Variants in ITGB4 observed in about 807,000 individuals in gnomAD.
ITGB4 encodes the protein integrin subunit beta 4.
Under a neutral mutation model 207.6 loss-of-function variants are expected in ITGB4, and 159 were observed. The observed-to-expected ratio is 0.77, with a 90% CI of 0.67 to 0.87. The LOEUF (loss-of-function observed/expected upper bound fraction) is 0.87, where lower values mean the gene tolerates loss of function less well. Among genes scored for constraint, ITGB4 ranks in the 40% least tolerant of loss-of-function variants. The pLI is 0.00. For synonymous variants in ITGB4, 1,020 were observed against 1,062.7 expected (o/e 0.96, Z 0.78); for missense variants, 2,278 against 2,546.8 (o/e 0.89, Z 2.27).
At chr17:75,749,399 G>A (rs747637883) in intron 27 of ITGB4, among the ~76,000 whole-genome samples, 1 of 151,786 alleles carries the variant, frequency 6.6e-6, no homozygotes, top group Non-Finnish European at 1.5e-5. Flanking sequence ...ATAGTGGTGT[G>A]CACCTGCAGT....
chr17:75,750,859 A>C lies in ITGB4; in HGVS notation c.3654A>C (p.Glu1218Asp). Residue 1218 changes from glutamate to aspartate, a missense_variant and splice_region_variant, in exon 29 of 40, where the codon GAA becomes GAC. Glu to Asp is a conservative substitution (Grantham distance 45, BLOSUM62 2). Transcript: ENST00000200181. The surrounding 1 kb of genome is among the most constrained non-coding windows in gnomAD (Gnocchi z 5.5). ...SSLVSCRTHQ[E>D]VPSEPGRLAF... is the part of the protein sequence containing the mutation. ...TGGTGTCCTGCCGCACCCACCAGGA[A>C]GGTGAGGCCTCGCCATGTCTGTCCA... 6.2e-7 allele frequency: 1 copy of C among 1,613,372 alleles called. No individual in the cohort carries two copies. The highest frequency in any genetic ancestry group is 8.5e-7 in the Non-Finnish European group (1 of 1,179,998).
In ITGB4 at chr17:75,739,620, C is replaced by T. The variant is rs373857088; in HGVS notation, c.2221-52C>T. On this transcript the variant is annotated intron_variant, in intron 18 of 39. Coordinates refer to ENST00000200181, the MANE Select transcript of ITGB4 (RefSeq NM_000213.5). This position sits in a 1 kb window ranked among gnomAD's most constrained non-coding sequence, Gnocchi z 5.4. ...GGGCGGGGTGGCTGGAAGGGCTTACCTGGGCCAGGGCAGCTGTCTCAGGCC... is the reference window on the plus strand; with the variant it reads ...GGGCGGGGTGGCTGGAAGGGCTTACTTGGGCCAGGGCAGCTGTCTCAGGCC... The T allele has an allele frequency of 9.9e-6, 16 of 1,611,316 alleles. No individual in the cohort carries two copies. The highest frequency in any genetic ancestry group is 6.7e-5 in the East Asian group (3 of 44,888).
chr17:75,730,991 TGAGCCCTTCTGGGGCA>T (rs2060844309), intron 9 of ITGB4, 27 bp downstream of exon 9: 1 of 1,595,622 alleles, frequency 6.3e-7, no homozygotes, highest in Non-Finnish European at 8.6e-7. Flanking sequence ...CTCCAGAGTC[TGAGCCCTTCTGGGGCA>T]GGGCAGGAAG....
intron 26 of ITGB4, among the ~76,000 whole-genome samples, chr17:75,747,734 C>T (rs986983132): frequency 2.0e-5 from 3 of 152,210 alleles, no homozygotes; most frequent in Non-Finnish European, 4.4e-5. Context: ...ACTGCAACCT[C>T]TGCCTCCCGG....
chr17:75,725,153 G>T (rs1489457749), intron 2 of ITGB4, among the ~76,000 whole-genome samples: 4 of 152,190 alleles, frequency 2.6e-5, no homozygotes, highest in Non-Finnish European at 5.9e-5. Flanking sequence ...GTCACTAGTG[G>T]ACAAATCACT....
chr17:75,737,280 G>T (rs2060999200), intron 16 of ITGB4, 42 bp from the exon 17 acceptor site: 2 of 1,575,028 alleles, frequency 1.3e-6, no homozygotes, highest in East Asian at 4.7e-5. Context: ...CTGGGGCGGA[G>T]GGGTGTGGCT....
Position 75,739,598 on chromosome 17 carries a change from CG to C in ITGB4, c.2221-70del. 6.5e-7 allele frequency: 1 copy of C among 1,535,434 alleles called. No individual in the cohort carries two copies. On this transcript the variant is annotated intron_variant, in intron 18 of 39. Coordinates refer to ENST00000200181, the MANE Select transcript of ITGB4 (RefSeq NM_000213.5). The surrounding 1 kb of genome is among the most constrained non-coding windows in gnomAD (Gnocchi z 5.4). ...ACCCCTCTTGACCATTGGCATGGGG[CG>C]GGGTGGCTGGAAGGGCTTACCTGGG...
At position 75,730,461 on chromosome 17, in the gene ITGB4, T is replaced by A. The variant is rs2060827051; in HGVS notation, c.959T>A (p.Ile320Asn). The A allele has an allele frequency of 6.2e-7, 1 of 1,613,892 alleles. No individual in the cohort carries two copies. Among genetic ancestry groups the A allele is most frequent in the South Asian group, 1.1e-5 (1 of 91,068 alleles). The part of the protein sequence containing the change: ...LVRLLAKHNI[I>N]PIFAVTNYSY... Reference sequence around the variant, plus strand: ...CGCCTGCTCGCCAAGCACAACATCATCCCCATCTTTGCTGTCACCAACTAC... The same window carrying A: ...CGCCTGCTCGCCAAGCACAACATCAACCCCATCTTTGCTGTCACCAACTAC... Residue 320 changes from isoleucine to asparagine, a missense_variant, in exon 8 of 40, where the codon ATC (isoleucine) becomes AAC (asparagine). Physicochemically the swap from Ile to Asn is moderately radical, Grantham distance 149. Coordinates refer to ENST00000200181, the MANE Select transcript of ITGB4 (RefSeq NM_000213.5).
rs1568382583 is a variant in ITGB4 at position 75,753,993 on chromosome 17, G to GC, written c.4318+25dup. ...CCCGGAGGTGACAGGCTCACCCGCC[G>GC]CCCCCCGATCCGCGCCCACCCAGCC... On this transcript the variant is annotated intron_variant, in intron 33 of 39. Coordinates refer to ENST00000200181, the MANE Select transcript of ITGB4 (RefSeq NM_000213.5). The GC allele has an allele frequency of 9.1e-7, 1 of 1,103,342 alleles. No homozygotes were observed. Among genetic ancestry groups the GC allele is most frequent in the Non-Finnish European group, 1.2e-6 (1 of 865,884 alleles). The allele number at this position is 1,103,342 out of a possible 1,614,324, so 68.3% of individuals were successfully genotyped here.
In ITGB4 at chr17:75,729,218, G is replaced by A. The variant is rs751057068; in HGVS notation, c.567-47G>A. On this transcript the variant is annotated intron_variant, in intron 6 of 39. Transcript: ENST00000200181. The surrounding 1 kb of genome is among the most constrained non-coding windows in gnomAD (Gnocchi z 4.4). The stretch of plus-strand genomic sequence containing the variant: ...ACGAGCCAGGGGCACTGGGGTCTGC[G>A]GCGTCTTCCCCCTGTGACACTCTCT... The A allele has an allele frequency of 5.0e-6, 8 of 1,589,938 alleles. No homozygotes were observed. In the Admixed American group the frequency reaches 1.0e-4, roughly 20 times the overall value.
rs2061393945 is a variant in ITGB4 at position 75,752,585 on chromosome 17, G to A, written c.4108+8G>A. The A allele has an allele frequency of 1.2e-6, 2 of 1,613,430 alleles. No individual in the cohort carries two copies. The highest frequency in any genetic ancestry group is 1.7e-6 in the Non-Finnish European group (2 of 1,179,982). On this transcript the variant is annotated splice_region_variant and intron_variant, in intron 32 of 39. Coordinates refer to ENST00000200181, the MANE Select transcript of ITGB4 (RefSeq NM_000213.5). ...GCGTCTCCGATGACACTGGTGAGTG[G>A]AGACCTGGGACCCACAAGAGGACAG...
rs1330856692 is a variant in ITGB4 at position 75,737,550 on chromosome 17, G to A, written c.2126G>A (p.Gly709Asp). The change falls in exon 18 of 40, where the codon GGC (glycine) becomes GAC (aspartate). Residue 709 changes from glycine (G) to aspartate (D), a missense_variant. Gly to Asp is a moderately conservative substitution (Grantham distance 94). Transcript: ENST00000200181. Reference sequence around the variant, plus strand: ...TCCTCCTCTCCAGACTGCCCTCCGGGCTCCTTCTGGTGGCTCATCCCCCTG... The same window carrying A: ...TCCTCCTCTCCAGACTGCCCTCCGGACTCCTTCTGGTGGCTCATCCCCCTG... ...LVHKKKDCPP[G>D]SFWWLIPLLL... 1 of 1,582,966 alleles carries A rather than the reference G, an allele frequency of 6.3e-7. No homozygotes were observed.
In ITGB4 at chr17:75,739,245, C is replaced by A. The variant is rs2010043; in HGVS notation, c.2221-427C>A. On this transcript the variant is annotated intron_variant, in intron 18 of 39. Transcript: ENST00000200181. This position sits in a 1 kb window ranked among gnomAD's most constrained non-coding sequence, Gnocchi z 5.4. ...GGGAGGTAGAGGTTGCAGTGAGCCGCGATCGTGCCACTGCATTCCAGCCTG... is the reference window on the plus strand; with the variant it reads ...GGGAGGTAGAGGTTGCAGTGAGCCGAGATCGTGCCACTGCATTCCAGCCTG... Among the ~76,000 whole-genome samples the A allele has an allele frequency of 0.23, 34,011 of 149,960 alleles. 4,985 individuals carry two copies. The highest frequency in any genetic ancestry group is 0.4 in the African/African-American group (16,346 of 40,678).
In ITGB4 at chr17:75,752,834, G is replaced by T. The variant is rs149134233; in HGVS notation, c.4108+257G>T. ...ACGAAGAAACACAGCTTCACAAGTT[G>T]AAGGTTCACCAGCTGTGCCATGCAC... On this transcript the variant is annotated intron_variant, in intron 32 of 39. Coordinates refer to ENST00000200181, the MANE Select transcript of ITGB4 (RefSeq NM_000213.5). Among the ~76,000 whole-genome samples the T allele has an allele frequency of 3.6e-3, 542 of 152,270 alleles. 3 individuals are homozygous for T. Among genetic ancestry groups the T allele is most frequent in the Middle Eastern group, 0.02 (6 of 294 alleles).
In ITGB4 at chr17:75,731,489, C is replaced by T. The variant is rs2060857375; in HGVS notation, c.1215+121C>T. The T allele has an allele frequency of 9.3e-7, 1 of 1,079,476 alleles. No individual in the cohort carries two copies. Among genetic ancestry groups the T allele is most frequent in the African/African-American group, 1.6e-5 (1 of 64,192 alleles). The allele number at this position is 1,079,476 out of a possible 1,614,324, so 66.9% of individuals were successfully genotyped here. ...AGTCAGGCAGGCCTGGGTGCAGATC[C>T]CTGGGCCTAGCCGCTCGGATGAGCC... On this transcript the variant is annotated intron_variant, in intron 10 of 39. Transcript: ENST00000200181. This position sits in a 1 kb window ranked among gnomAD's most constrained non-coding sequence, Gnocchi z 6.8.
chr17:75,728,607 G>GGGAGACCA, intron 6 of ITGB4, 134 bp downstream of exon 6: 3 of 728,932 alleles, frequency 4.1e-6, no homozygotes, highest in Non-Finnish European at 7.2e-6. Context: ...CCAGCACTTT[G>GGGAGACCA]GGAGACCAGG....
chr17:75,724,641 G>A (rs1004519711), intron 1 of ITGB4, 53 bp from the exon 2 acceptor site: 41 of 1,321,714 alleles, frequency 3.1e-5, no homozygotes, highest in South Asian at 9.4e-5. Context: ...GGAAGCTGAC[G>A]GCACCGACCA....
intron 26 of ITGB4, among the ~76,000 whole-genome samples, chr17:75,747,418 G>T (rs1290086808): frequency 6.6e-6 from 1 of 152,158 alleles, no homozygotes; most frequent in East Asian, 1.9e-4. Context: ...GGTGGAGGTT[G>T]CAGTGAGCCA....
Position 75,739,729 on chromosome 17 carries a change from C to T in ITGB4, c.2254+24C>T. On this transcript the variant is annotated intron_variant, in intron 19 of 39. Transcript: ENST00000200181. This position sits in a 1 kb window ranked among gnomAD's most constrained non-coding sequence, Gnocchi z 5.4. ...AGGTATGGGCCTGGCATCGCAGGGGCAGCAGGGGCTCTGACTGCTCTTTCT... is the reference window on the plus strand; with the variant it reads ...AGGTATGGGCCTGGCATCGCAGGGGTAGCAGGGGCTCTGACTGCTCTTTCT... 5 of 1,614,042 alleles carry T rather than the reference C, an allele frequency of 3.1e-6. No homozygotes were observed. The highest frequency in any genetic ancestry group is 4.2e-6 in the Non-Finnish European group (5 of 1,179,964).
Sources: allele counts gnomAD v4.1 joint callset (sites outside exome capture counted in the v4.1 genomes callset), GRCh38; gene constraint gnomAD v4.1.1; non-coding constraint Gnocchi (gnomAD v3.1); transcripts MANE v1.5; gene names NCBI Gene and HGNC (gene_info 2026-07-23, HGNC 2026-07-21).